PPP2R2C: variants seen among roughly 807,000 people sequenced by gnomAD.
PPP2R2C encodes protein phosphatase 2, regulatory subunit B, gamma.
PPP2R2C carries 10 observed loss-of-function variants against 45.3 expected under a neutral mutation model. That is an observed-to-expected ratio of 0.22 (90% CI 0.14 to 0.37). PPP2R2C has a LOEUF of 0.37. Ranked by LOEUF, PPP2R2C falls within the 10% of genes least tolerant of loss-of-function variation. PPP2R2C has a pLI of 1.00. For synonymous variants in PPP2R2C, 257 were observed against 245.4 expected (o/e 1.05, Z -0.44); for missense variants, 308 against 619.7 (o/e 0.50, Z 5.34).
At chr4:6,343,422 A>G (rs971629032) in intron 6 of PPP2R2C, among the ~76,000 whole-genome samples, 7 of 152,256 alleles carry the variant, frequency 4.6e-5, no homozygotes, top group African/African-American at 1.7e-4. Flanking sequence ...CAATAATCAA[A>G]AAAGAAATTA....
chr4:6,444,609 C>T (rs766224326), intron 1 of PPP2R2C, among the ~76,000 whole-genome samples: 2 of 152,230 alleles, frequency 1.3e-5, no homozygotes, highest in Non-Finnish European at 2.9e-5. Flanking sequence ...ACTTCAAAGA[C>T]AGTAACTCTG....
intron 2 of PPP2R2C, among the ~76,000 whole-genome samples, chr4:6,508,003 G>A (rs576077008): frequency 6.6e-6 from 1 of 152,370 alleles, no homozygotes; most frequent in South Asian, 2.1e-4. Context: ...GCTGAGCACA[G>A]TGACACATGC....
At chr4:6,496,248 G>C (rs1196658623) in intron 2 of PPP2R2C, among the ~76,000 whole-genome samples, 1 of 152,192 alleles carries the variant, frequency 6.6e-6, no homozygotes, top group East Asian at 1.9e-4. Flanking sequence ...GCAAAGTTCA[G>C]CCCTCTATTT....
At chr4:6,500,375 T>G (rs1420176229) in intron 2 of PPP2R2C, among the ~76,000 whole-genome samples, 1 of 152,234 alleles carries the variant, frequency 6.6e-6, no homozygotes, top group African/African-American at 2.4e-5. Context: ...CTCGAACTCC[T>G]GACCTCAGAT....
At chr4:6,395,665 C>T (rs1316149360) in intron 1 of PPP2R2C, among the ~76,000 whole-genome samples, 1 of 152,216 alleles carries the variant, frequency 6.6e-6, no homozygotes, top group African/African-American at 2.4e-5. Flanking sequence ...AGGGCGCAGA[C>T]CCGCCAGTCA....
intron 2 of PPP2R2C, among the ~76,000 whole-genome samples, chr4:6,485,221 A>G (rs1046509747): frequency 1.2e-4 from 18 of 151,946 alleles, no homozygotes; most frequent in African/African-American, 4.1e-4. Context: ...AATTTTTGAA[A>G]GTTAAACCTA....
At chr4:6,419,733 C>G (rs2109389903) in intron 1 of PPP2R2C, among the ~76,000 whole-genome samples, 1 of 152,294 alleles carries the variant, frequency 6.6e-6, no homozygotes, top group Admixed American at 6.5e-5. Context: ...AATGTGACAT[C>G]ACAGCGTGGG....
In PPP2R2C at chr4:6,563,343, C is replaced by T. The variant is rs902744807; in HGVS notation, c.-59+217G>A. Among the ~76,000 whole-genome samples, 9 of 152,224 alleles carry T rather than the reference C, an allele frequency of 5.9e-5. No homozygotes were observed. The South Asian group carries it at 1.9e-3, about 31-fold the overall frequency. On this transcript the variant is annotated intron_variant, in intron 1 of 9. Coordinates refer to the PPP2R2C transcript ENST00000506140. This position sits in a 1 kb window ranked among gnomAD's most constrained non-coding sequence, Gnocchi z 5.8. ...CCGGCACTTCGGACCCTAGCAGAGC[C>T]AGCCCTGCCCCAGGACCGCCCCGGG...
At chr4:6,509,086 T>C (rs1723340012) in intron 2 of PPP2R2C, among the ~76,000 whole-genome samples, 1 of 152,230 alleles carries the variant, frequency 6.6e-6, no homozygotes, top group Admixed American at 6.5e-5. Context: ...CCCACACGGA[T>C]TTGCCACTGC....
At position 6,498,859 on chromosome 4, in the gene PPP2R2C, G is replaced by A. The variant is rs193105218; in HGVS notation, c.49+36412C>T. 2.2e-3 allele frequency among the ~76,000 whole-genome samples: 323 copies of A among 149,868 alleles called. No homozygotes were observed. The Middle Eastern group carries it at 0.024, about 11-fold the overall frequency. On this transcript the variant is annotated intron_variant, in intron 2 of 9. Coordinates refer to the PPP2R2C transcript ENST00000506140. Reference sequence around the variant, plus strand: ...TTGATGGGGCTGGTATTGAAATGGGGGTCCCTGAATCTACACCTCTGATCT... The same window carrying A: ...TTGATGGGGCTGGTATTGAAATGGGAGTCCCTGAATCTACACCTCTGATCT...
intron 1 of PPP2R2C, among the ~76,000 whole-genome samples, chr4:6,470,323 A>G (rs948802494): frequency 2.6e-5 from 4 of 152,174 alleles, no homozygotes; most frequent in Non-Finnish European, 5.9e-5. Flanking sequence ...ATTGGATAGC[A>G]CTGCTCTGAC....
chr4:6,363,011 C>A (rs755650489), intron 5 of PPP2R2C, among the ~76,000 whole-genome samples: 1 of 152,174 alleles, frequency 6.6e-6, no homozygotes, highest in Non-Finnish European at 1.5e-5. Flanking sequence ...CAGTTAACAT[C>A]GGCAGCGTGC....
intron 2 of PPP2R2C, among the ~76,000 whole-genome samples, chr4:6,379,142 T>C (rs1208682690): frequency 2.0e-5 from 3 of 152,108 alleles, no homozygotes; most frequent in Admixed American, 6.5e-5. Flanking sequence ...GACTTTAACA[T>C]TGGGACAGAA....
At chr4:6,395,676 T>C (rs576553936) in intron 1 of PPP2R2C, among the ~76,000 whole-genome samples, 2 of 152,320 alleles carry the variant, frequency 1.3e-5, no homozygotes, top group African/African-American at 4.8e-5. Flanking sequence ...CCGCCAGTCA[T>C]ACAGAGTGGT....
At chr4:6,333,037 T>C (rs1320636331) in intron 7 of PPP2R2C, among the ~76,000 whole-genome samples, 3 of 152,156 alleles carry the variant, frequency 2.0e-5, no homozygotes, top group African/African-American at 7.2e-5. Flanking sequence ...AATAGCAAGA[T>C]AATAAATAAT....
intron 1 of PPP2R2C, among the ~76,000 whole-genome samples, chr4:6,392,741 C>A (rs1329280008): frequency 6.6e-6 from 1 of 152,172 alleles, no homozygotes; most frequent in Non-Finnish European, 1.5e-5. Flanking sequence ...AGCTGGGAAG[C>A]CACGGTCTGA....
At chr4:6,512,188 G>A (rs1171298377) in intron 2 of PPP2R2C, among the ~76,000 whole-genome samples, 5 of 83,102 alleles carry the variant, frequency 6.0e-5, no homozygotes, top group South Asian at 9.9e-4. Context: ...GATGGTGGTG[G>A]TGGTGGTGGT....
intron 8 of PPP2R2C, among the ~76,000 whole-genome samples, chr4:6,325,174 T>C (rs564356323): frequency 1.0e-3 from 154 of 152,302 alleles, no homozygotes; most frequent in African/African-American, 3.5e-3. Flanking sequence ...CGCACTCTCT[T>C]AGTTTTCTAT....
intron 5 of PPP2R2C, among the ~76,000 whole-genome samples, chr4:6,369,559 G>A (rs1055227321): frequency 1.3e-5 from 2 of 152,238 alleles, no homozygotes; most frequent in African/African-American, 4.8e-5. Flanking sequence ...GCTGTGGGGG[G>A]TTTTGTGAAT....
Sources: allele counts gnomAD v4.1 joint callset (sites outside exome capture counted in the v4.1 genomes callset), GRCh38; gene constraint gnomAD v4.1.1; non-coding constraint Gnocchi (gnomAD v3.1); transcripts MANE v1.5; gene names NCBI Gene and HGNC (gene_info 2026-07-23, HGNC 2026-07-21).